AOPEP: variants seen among roughly 807,000 people sequenced by gnomAD.
The protein encoded by AOPEP is aminopeptidase O.
AOPEP carries 77 observed loss-of-function variants against 98.1 expected under a neutral mutation model. That is an observed-to-expected ratio of 0.78 (90% CI 0.65 to 0.95). The LOEUF (loss-of-function observed/expected upper bound fraction) is 0.95. AOPEP is among the 40% of genes least tolerant of loss of function. AOPEP has a pLI of 0.00. For missense variants in AOPEP, 1,024 were observed against 1,024.7 expected, an observed-to-expected ratio of 1.00 and a Z score of 0.01; for synonymous variants, 346 against 365.3, an observed-to-expected ratio of 0.95 and a Z score of 0.60.
At chr9:94,812,393 C>T (rs980839316) in intron 5 of AOPEP, among the ~76,000 whole-genome samples, 1 of 152,132 alleles carries the variant, frequency 6.6e-6, no homozygotes, top group Admixed American at 6.5e-5. Flanking sequence ...TCCCCAGAAT[C>T]CGGAAGTCTT....
At chr9:95,071,027 G>A (rs1018128262) in intron 14 of AOPEP, among the ~76,000 whole-genome samples, 1 of 152,190 alleles carries the variant, frequency 6.6e-6, no homozygotes, top group African/African-American at 2.4e-5. Context: ...AAGACAGTGA[G>A]CTGTAGTATA....
intron 13 of AOPEP, among the ~76,000 whole-genome samples, chr9:95,012,558 C>G (rs914795202): frequency 2.6e-5 from 4 of 152,136 alleles, no homozygotes; most frequent in African/African-American, 9.7e-5. Flanking sequence ...GTGCCTGGGT[C>G]TCATATGGCA....
chr9:95,056,826 T>C lies in AOPEP; in HGVS notation c.2116-3868T>C, dbSNP rs367619804. Reference sequence around the variant, plus strand: ...CTTCTAAAATCCTTAACAAGCAGCATTTGTACTTGACTGACCTCGTTTAGC... The same window carrying C: ...CTTCTAAAATCCTTAACAAGCAGCACTTGTACTTGACTGACCTCGTTTAGC... On this transcript the variant is annotated intron_variant, in intron 13 of 16. Transcript: ENST00000375315. Among the ~76,000 whole-genome samples the C allele has an allele frequency of 2.0e-4, 31 of 152,350 alleles. No homozygotes were observed. The South Asian group carries it at 5.0e-3, about 24-fold the overall frequency.
In AOPEP at chr9:94,793,227, C is replaced by T. The variant is rs376569544; in HGVS notation, c.1118+309C>T. Among the ~76,000 whole-genome samples, 15 of 151,332 alleles carry T rather than the reference C, an allele frequency of 9.9e-5. No homozygotes were observed. The East Asian group carries it at 1.6e-3, about 16-fold the overall frequency. On this transcript the variant is annotated intron_variant, in intron 4 of 16. Coordinates refer to ENST00000375315, the MANE Select transcript of AOPEP (RefSeq NM_001193329.3). ...TAAAAATACAAAAAAATTAGCCGGG[C>T]GTCCCAGCGACTCGGGAGGCTGAGG...
At chr9:94,914,971 A>C (rs1338589053) in intron 5 of AOPEP, among the ~76,000 whole-genome samples, 3 of 152,328 alleles carry the variant, frequency 2.0e-5, no homozygotes, top group Non-Finnish European at 4.4e-5. Flanking sequence ...TTCAAATTTG[A>C]GTACGTGTGC....
At chr9:94,752,743 T>C (rs2132265086) in intron 1 of AOPEP, among the ~76,000 whole-genome samples, 1 of 152,342 alleles carries the variant, frequency 6.6e-6, no homozygotes, top group Non-Finnish European at 1.5e-5. Flanking sequence ...TTCTACAGTA[T>C]ACCTTGCTAC....
Position 94,972,655 on chromosome 9 carries a change from C to T in AOPEP, c.1916+4854C>T, listed in dbSNP as rs1291481927. On this transcript the variant is annotated intron_variant, in intron 10 of 16. Transcript: ENST00000375315. The surrounding 1 kb of genome is among the most constrained non-coding windows in gnomAD (Gnocchi z 4.2). ...GAATGTTTTGATCAAGAAAATAAAT[C>T]AGCTGGGCACCGTGGCTCATGCCTG... Among the ~76,000 whole-genome samples, 2 of 152,128 alleles carry T rather than the reference C, an allele frequency of 1.3e-5. No individual in the cohort carries two copies. Among genetic ancestry groups the T allele is most frequent in the Admixed American group, 6.6e-5 (1 of 15,264 alleles).
chr9:94,904,720 G>T lies in AOPEP; in HGVS notation c.1365-19266G>T, dbSNP rs746901134. ...ATATTTGGGTTAAACCAAATTATTA[G>T]CAATAGGTATCTTTGTAGAATTTCT... is the stretch of plus-strand genomic sequence containing the variant. On this transcript the variant is annotated intron_variant, in intron 5 of 16. Coordinates refer to ENST00000375315, the MANE Select transcript of AOPEP (RefSeq NM_001193329.3). The T allele has an allele frequency of 3.3e-5, 5 of 152,202 alleles. No homozygotes were observed. The South Asian group carries it at 6.2e-4, about 19-fold the overall frequency. The allele number at this position is 152,202 out of a possible 1,614,324, so 9.4% of individuals were successfully genotyped here.
At chr9:95,089,843 T>TC (rs745468968), downstream of AOPEP, among the ~76,000 whole-genome samples, 1 of 151,774 alleles carries the variant, frequency 6.6e-6, no homozygotes, top group Non-Finnish European at 1.5e-5. Context: ...AGATATTAGC[T>TC]CCCCCCACCC....
At chr9:94,837,383 G>T (rs896668366) in intron 5 of AOPEP, among the ~76,000 whole-genome samples, 1 of 152,068 alleles carries the variant, frequency 6.6e-6, no homozygotes, top group Non-Finnish European at 1.5e-5. Context: ...AAAAAAGAGG[G>T]AATCCTCTCT....
chr9:94,791,754 C>T (rs1407968184), intron 3 of AOPEP, among the ~76,000 whole-genome samples: 1 of 152,040 alleles, frequency 6.6e-6, no homozygotes, highest in Non-Finnish European at 1.5e-5. Context: ...TACACTAAAC[C>T]TACCCCTACC....
intron 7 of AOPEP, among the ~76,000 whole-genome samples, chr9:94,954,875 A>G (rs2058347944): frequency 6.6e-6 from 1 of 152,194 alleles, no homozygotes; most frequent in African/African-American, 2.4e-5. Flanking sequence ...GTCTGTCATC[A>G]AAAAAGGGTA....
chr9:95,030,906 G>A (rs2064242211), intron 13 of AOPEP, among the ~76,000 whole-genome samples: 1 of 152,216 alleles, frequency 6.6e-6, no homozygotes. Context: ...CAGTTACACA[G>A]CTGTCTCCTG....
intron 13 of AOPEP, among the ~76,000 whole-genome samples, chr9:95,024,492 C>T (rs541559987): frequency 6.6e-6 from 1 of 152,334 alleles, no homozygotes; most frequent in Admixed American, 6.5e-5. Context: ...CCTAGGGAAA[C>T]GCCACCTGGT....
intron 13 of AOPEP, among the ~76,000 whole-genome samples, chr9:95,008,354 G>A (rs983657536): frequency 1.6e-4 from 24 of 152,196 alleles, no homozygotes; most frequent in Admixed American, 7.9e-4. Flanking sequence ...TTCCTGCCGT[G>A]TGGAAAGCAG....
intron 5 of AOPEP, among the ~76,000 whole-genome samples, chr9:94,828,907 T>C (rs914414059): frequency 1.3e-5 from 2 of 151,474 alleles, no homozygotes; most frequent in Non-Finnish European, 2.9e-5. Context: ...CTTGCTCTGT[T>C]GTCCAGGCTG....
intron 7 of AOPEP, among the ~76,000 whole-genome samples, chr9:94,946,739 T>G (rs1181180011): frequency 6.6e-6 from 1 of 152,206 alleles, no homozygotes; most frequent in Non-Finnish European, 1.5e-5. Context: ...ATATACCGCA[T>G]GCCTGGGAGA....
chr9:95,115,113 A>G, the AOPEP span, among the ~76,000 whole-genome samples: 2 of 152,002 alleles, frequency 1.3e-5, no homozygotes, highest in South Asian at 4.1e-4. Flanking sequence ...GCTATTTTTA[A>G]AATTTTTTTG....
chr9:95,005,458 C>G, intron 12 of AOPEP, 84 bp from the exon 13 acceptor site: 1 of 1,337,494 alleles, frequency 7.5e-7, no homozygotes, highest in Non-Finnish European at 1.1e-6. Context: ...GTCGCGAGGC[C>G]GGGGGTCTCT....
Sources: allele counts gnomAD v4.1 joint callset (sites outside exome capture counted in the v4.1 genomes callset), GRCh38; gene constraint gnomAD v4.1.1; non-coding constraint Gnocchi (gnomAD v3.1); transcripts MANE v1.5; gene names NCBI Gene and HGNC (gene_info 2026-07-23, HGNC 2026-07-21).